NRG1: variants seen among roughly 807,000 people sequenced by gnomAD.
The protein encoded by NRG1 is neuregulin 1.
NRG1 carries 18 observed loss-of-function variants against 63.8 expected under a neutral mutation model. The observed-to-expected ratio is 0.28, with a 90% CI of 0.19 to 0.42. NRG1 has a LOEUF of 0.42. Ranked by LOEUF, NRG1 falls within the 10% of genes least tolerant of loss-of-function variation. The probability of loss-of-function intolerance (pLI) is 1.00; values close to 1 mark genes in which losing one functional copy is unlikely to be tolerated. For synonymous variants in NRG1, 302 were observed against 301.3 expected (o/e 1.00, Z -0.02); for missense variants, 762 against 814.7 (o/e 0.94, Z 0.79).
At position 32,068,691 on chromosome 8, in the gene NRG1, C is replaced by G. The variant is rs140046753; in HGVS notation, c.37+429260C>G. Among the ~76,000 whole-genome samples, 191 of 152,322 alleles carry G rather than the reference C, an allele frequency of 1.3e-3. 1 individual carries two copies. Among genetic ancestry groups the G allele is most frequent in the African/African-American group, 4.5e-3 (186 of 41,566 alleles). On this transcript the variant is annotated intron_variant, in intron 1 of 10. Coordinates refer to the NRG1 transcript ENST00000519301. ...AACCTGACAGTATTCTGCCCTCAAG[C>G]CCCTTGTTAACCAGGCCAAGGTGAG... is the stretch of plus-strand genomic sequence containing the variant.
intron 1 of NRG1, among the ~76,000 whole-genome samples, chr8:32,520,162 T>C (rs1830194628): frequency 1.3e-5 from 2 of 152,160 alleles, no homozygotes; most frequent in Admixed American, 6.5e-5. Flanking sequence ...TTTTGTTTTC[T>C]TCTGTTGTTT....
rs528233444 is a variant in NRG1 at position 31,888,738 on chromosome 8, A to G, written c.37+249307A>G. Among the ~76,000 whole-genome samples the G allele has an allele frequency of 1.3e-5, 2 of 152,168 alleles. 1 individual carries two copies. Among genetic ancestry groups the G allele is most frequent in the East Asian group, 3.9e-4 (2 of 5,174 alleles). The stretch of plus-strand genomic sequence containing the variant: ...AATACGATATATTTGAATCAAAGTT[A>G]TTAGATGCCCTAGGGTCTTTTCATG... On this transcript the variant is annotated intron_variant, in intron 1 of 10. Transcript: ENST00000519301.
chr8:32,771,323 G>A (rs974181704), downstream of NRG1, among the ~76,000 whole-genome samples: 18 of 126,042 alleles, frequency 1.4e-4, no homozygotes, highest in African/African-American at 2.5e-4. Flanking sequence ...ACAAGGTCTC[G>A]CTATGTTGCC....
Position 32,343,528 on chromosome 8 carries a change from C to T in NRG1, c.38-252300C>T, listed in dbSNP as rs186030116. Among the ~76,000 whole-genome samples, 334 of 152,158 alleles carry T rather than the reference C, an allele frequency of 2.2e-3. 1 individual carries two copies. Among genetic ancestry groups the T allele is most frequent in the African/African-American group, 7.5e-3 (311 of 41,520 alleles). On this transcript the variant is annotated intron_variant, in intron 1 of 10. Transcript: ENST00000519301. ...ATGAACTTTAGAAACTTTAAATGTC[C>T]ATTTACTCACAATACACACACAGCC... is the stretch of plus-strand genomic sequence containing the variant.
intron 1 of NRG1, among the ~76,000 whole-genome samples, chr8:32,309,511 C>G (rs779619175): frequency 9.2e-5 from 14 of 152,196 alleles, no homozygotes; most frequent in Non-Finnish European, 2.1e-4. Context: ...ATACTTTTCT[C>G]TTGTTAATCT....
Position 31,640,538 on chromosome 8 carries a change from T to C in NRG1, c.37+1107T>C. On this transcript the variant is annotated intron_variant, in intron 1 of 10. Coordinates refer to the NRG1 transcript ENST00000519301. This position sits in a 1 kb window ranked among gnomAD's most constrained non-coding sequence, Gnocchi z 6.3. ...AAGGACTCGCTGCTCACCGTGCGCCTGGGGACCTGGGGCCACCCCGCCTTC... is the reference window on the plus strand; with the variant it reads ...AAGGACTCGCTGCTCACCGTGCGCCCGGGGACCTGGGGCCACCCCGCCTTC... 3.1e-6 allele frequency: 5 copies of C among 1,611,740 alleles called. No homozygotes were observed. Among genetic ancestry groups the C allele is most frequent in the East Asian group, 2.2e-5 (1 of 44,764 alleles).
intron 1 of NRG1, among the ~76,000 whole-genome samples, chr8:32,562,330 C>T (rs1161353668): frequency 6.6e-6 from 1 of 152,092 alleles, no homozygotes; most frequent in African/African-American, 2.4e-5. Context: ...TCACTGTAGC[C>T]TGGGACTCCT....
intron 1 of NRG1, among the ~76,000 whole-genome samples, chr8:31,802,990 A>G (rs1821934707): frequency 6.6e-6 from 1 of 152,208 alleles, no homozygotes; most frequent in African/African-American, 2.4e-5. Flanking sequence ...ATCATAGCAC[A>G]GAAGAGTTCT....
Position 32,664,130 on chromosome 8 carries a change from C to T in NRG1, c.502+47245C>T, listed in dbSNP as rs542725235. ...CATACCTAGAAAAACAGATTAAGCA[C>T]TTGTTCTCTACAAGGCCCTGGGTTC... On this transcript the variant is annotated intron_variant, in intron 5 of 11. Transcript: ENST00000356819. 2.6e-5 allele frequency among the ~76,000 whole-genome samples: 4 copies of T among 152,212 alleles called. No individual in the cohort carries two copies. In the South Asian group the frequency reaches 8.3e-4, roughly 32 times the overall value.
At chr8:32,720,430 A>G (rs1266510284) in intron 5 of NRG1, among the ~76,000 whole-genome samples, 1 of 152,192 alleles carries the variant, frequency 6.6e-6, no homozygotes, top group Admixed American at 6.6e-5. Context: ...TTTGCAGGCT[A>G]GACGGATTGT....
chr8:32,137,931 A>T (rs936150688), intron 1 of NRG1, among the ~76,000 whole-genome samples: 2 of 152,160 alleles, frequency 1.3e-5, no homozygotes, highest in South Asian at 4.1e-4. Context: ...TTGTATTAAG[A>T]TTTAAGTTTT....
chr8:32,690,938 AGTGTGTGTGTGT>A (rs113081002), intron 5 of NRG1, among the ~76,000 whole-genome samples: 27 of 131,176 alleles, frequency 2.1e-4, no homozygotes, highest in African/African-American at 3.0e-4. Context: ...TTTCCCTCTC[AGTGTGTGTGTGT>A]GTGTGTGTGT....
chr8:31,820,902 G>A (rs1823942473), intron 1 of NRG1, among the ~76,000 whole-genome samples: 1 of 152,104 alleles, frequency 6.6e-6, no homozygotes, highest in Admixed American at 6.6e-5. Flanking sequence ...AGTGGTATAC[G>A]GAGGTATAGC....
intron 1 of NRG1, among the ~76,000 whole-genome samples, chr8:32,142,810 T>G (rs1163736227): frequency 6.6e-6 from 1 of 152,174 alleles, no homozygotes; most frequent in Non-Finnish European, 1.5e-5. Context: ...AATACATAGG[T>G]ACAAATACAG....
At position 32,598,318 on chromosome 8, in the gene NRG1, A is replaced by G. The variant is rs752546657; in HGVS notation, c.278+2313A>G. Among the ~76,000 whole-genome samples, 31 of 152,268 alleles carry G rather than the reference A, an allele frequency of 2.0e-4. 1 individual carries two copies. The Middle Eastern group carries it at 0.01, about 50-fold the overall frequency. ...CATTGCAGATATTCAATCTGATGCT[A>G]CCTGGAGAGAAGCAAATGAAGTTCG... On this transcript the variant is annotated intron_variant, in intron 2 of 11. Transcript: ENST00000356819.
chr8:32,656,342 T>C (rs1801488150), intron 5 of NRG1, among the ~76,000 whole-genome samples: 1 of 152,054 alleles, frequency 6.6e-6, no homozygotes. Flanking sequence ...GTTTTAAAAG[T>C]AAAAAATAAT....
intron 1 of NRG1, among the ~76,000 whole-genome samples, chr8:32,317,990 G>A (rs1169935066): frequency 6.6e-6 from 1 of 151,782 alleles, no homozygotes; most frequent in Admixed American, 6.6e-5. Context: ...AAATAACTAA[G>A]AAAAGGGAGA....
chr8:31,669,722 G>A (rs4351381), intron 1 of NRG1, among the ~76,000 whole-genome samples: 1,793 of 152,090 alleles, frequency 0.012, 12 homozygotes, highest in Non-Finnish European at 0.019. Context: ...ACTTATTCAC[G>A]CATAAGTACT....
At chr8:32,584,534 A>G (rs1458971701) in intron 1 of NRG1, among the ~76,000 whole-genome samples, 1 of 152,170 alleles carries the variant, frequency 6.6e-6, no homozygotes, top group Non-Finnish European at 1.5e-5. Context: ...TCAACGAGTA[A>G]AGAAGGCTTT....
Sources: allele counts gnomAD v4.1 joint callset (sites outside exome capture counted in the v4.1 genomes callset), GRCh38; gene constraint gnomAD v4.1.1; non-coding constraint Gnocchi (gnomAD v3.1); transcripts MANE v1.5; gene names NCBI Gene and HGNC (gene_info 2026-07-23, HGNC 2026-07-21).